RGS6: variants seen among roughly 807,000 people sequenced by gnomAD.
RGS6 encodes regulator of G protein signaling 6.
A neutral mutation model predicts 78.5 loss-of-function variants in RGS6; 30 were observed. The ratio of observed to expected loss-of-function variants is 0.38; its 90% CI spans 0.29 to 0.52. The LOEUF is 0.52. Among genes scored for constraint, RGS6 ranks in the 20% least tolerant of loss-of-function variants. The probability of loss-of-function intolerance (pLI) is 0.85; values close to 1 mark genes in which losing one functional copy is unlikely to be tolerated. For synonymous variants in RGS6, 206 were observed against 206.0 expected (o/e 1.00, Z 0.00); for missense variants, 495 against 609.7 (o/e 0.81, Z 1.98).
chr14:72,402,075 G>C (rs894828273), intron 3 of RGS6, among the ~76,000 whole-genome samples: 1 of 152,214 alleles, frequency 6.6e-6, no homozygotes, highest in Non-Finnish European at 1.5e-5. Context: ...CAGCCAATCC[G>C]TGGGATCGGG....
At chr14:72,313,957 C>CA (rs2069338992) in intron 2 of RGS6, among the ~76,000 whole-genome samples, 1 of 152,180 alleles carries the variant, frequency 6.6e-6, no homozygotes, top group Admixed American at 6.5e-5. Flanking sequence ...ATCAACCAAC[C>CA]AAACCTTTTC....
intron 2 of RGS6, among the ~76,000 whole-genome samples, chr14:72,117,324 G>T (rs2095919201): frequency 6.6e-6 from 1 of 152,072 alleles, no homozygotes; most frequent in African/African-American, 2.4e-5. Context: ...GAATGTCTTG[G>T]TGTCCTCCCT....
downstream of RGS6, among the ~76,000 whole-genome samples, chr14:72,570,443 G>A (rs2097718971): frequency 6.6e-6 from 1 of 152,170 alleles, no homozygotes; most frequent in Admixed American, 6.5e-5. Flanking sequence ...CTATAAAGGG[G>A]CACAAAGGGG....
Position 72,473,043 on chromosome 14 carries a change from G to C in RGS6, c.618+90G>C, listed in dbSNP as rs538514606. 12 of 847,084 alleles carry C rather than the reference G, an allele frequency of 1.4e-5. No individual in the cohort carries two copies. In the East Asian group the frequency reaches 1.7e-4, roughly 12 times the overall value. 52.5% of individuals were successfully genotyped at this position (847,084 alleles called of 1,614,324 possible). A position where few individuals can be genotyped will look rare whatever the true frequency, so the allele number is the denominator to read the frequency against. ...AGAAAAGACCGTCTTTAGCCACCAG[G>C]TGTCTCATTCTTAAGAAAATCGCTC... On this transcript the variant is annotated intron_variant, in intron 9 of 17. Transcript: ENST00000553525.
At chr14:71,973,479 G>A (rs536457696) in intron 2 of RGS6, among the ~76,000 whole-genome samples, 22 of 152,122 alleles carry the variant, frequency 1.4e-4, no homozygotes, top group South Asian at 8.3e-4. Context: ...GAGATCAGGA[G>A]TCTGAGATCA....
At chr14:72,038,209 A>G (rs543320725) in intron 2 of RGS6, among the ~76,000 whole-genome samples, 8 of 152,242 alleles carry the variant, frequency 5.3e-5, no homozygotes, top group South Asian at 2.1e-4. Flanking sequence ...GCCTCAATCA[A>G]TCCGCCTGCC....
At chr14:72,126,438 C>T (rs2096194483) in intron 2 of RGS6, among the ~76,000 whole-genome samples, 1 of 152,228 alleles carries the variant, frequency 6.6e-6, no homozygotes, top group Non-Finnish European at 1.5e-5. Context: ...AAATTGTAGA[C>T]TTAGATTTGC....
chr14:72,503,135 C>T (rs963339296), intron 13 of RGS6, among the ~76,000 whole-genome samples: 5 of 152,108 alleles, frequency 3.3e-5, no homozygotes, highest in Non-Finnish European at 7.4e-5. Flanking sequence ...CCTCACATGG[C>T]AGAAAGGCAA....
At chr14:72,258,948 T>G (rs1198643222) in intron 2 of RGS6, among the ~76,000 whole-genome samples, 1 of 152,112 alleles carries the variant, frequency 6.6e-6, no homozygotes, top group Non-Finnish European at 1.5e-5. Context: ...AAGGAGAAAA[T>G]GGAAACCTTA....
At chr14:72,273,626 T>C (rs1208554339) in intron 2 of RGS6, among the ~76,000 whole-genome samples, 1 of 152,222 alleles carries the variant, frequency 6.6e-6, no homozygotes, top group African/African-American at 2.4e-5. Flanking sequence ...ATTCTTGCCT[T>C]ATGAAGGCAT....
intron 3 of RGS6, among the ~76,000 whole-genome samples, chr14:72,378,055 G>A (rs912123219): frequency 6.6e-6 from 1 of 152,186 alleles, no homozygotes; most frequent in South Asian, 2.1e-4. Context: ...TCAGTAACAA[G>A]AGGGACATTT....
At position 72,564,903 on chromosome 14, in the gene RGS6, A is replaced by G. The variant is rs1296146663; in HGVS notation, c.*2436A>G. The G allele has an allele frequency of 1.3e-5, 2 of 152,244 alleles. No homozygotes were observed. The highest frequency in any genetic ancestry group is 2.4e-5 in the African/African-American group (1 of 41,396). The allele number at this position is 152,244 out of a possible 1,614,324, so 9.4% of individuals were successfully genotyped here. On this transcript the variant is annotated 3_prime_UTR_variant, in exon 18 of 18. Coordinates refer to ENST00000553525, the MANE Select transcript of RGS6 (RefSeq NM_001204424.2). ...TCAAACCCAGAGCAATAATACTCTC[A>G]CACCACCCCACAGCTAAGGCACTCA...
chr14:72,182,408 C>A (rs1168120215), intron 2 of RGS6, among the ~76,000 whole-genome samples: 92 of 98,046 alleles, frequency 9.4e-4, no homozygotes, highest in Non-Finnish European at 1.6e-3. Flanking sequence ...CCAAGAGAGA[C>A]TCCATCTCAA....
chr14:72,244,919 G>A (rs1363978681), intron 2 of RGS6, among the ~76,000 whole-genome samples: 1 of 152,088 alleles, frequency 6.6e-6, no homozygotes, highest in Non-Finnish European at 1.5e-5. Context: ...GCACCTCCTG[G>A]GTTCGAGTGA....
chr14:72,076,616 C>T (rs1359583876), intron 2 of RGS6, among the ~76,000 whole-genome samples: 1 of 152,088 alleles, frequency 6.6e-6, no homozygotes, highest in African/African-American at 2.4e-5. Flanking sequence ...GCAGCCTCTA[C>T]CTCCTGGGCT....
At chr14:72,435,761 C>A (rs1373447905) in intron 3 of RGS6, among the ~76,000 whole-genome samples, 1 of 148,840 alleles carries the variant, frequency 6.7e-6, no homozygotes, top group Non-Finnish European at 1.5e-5. Context: ...CCCACCCCGC[C>A]CCCGCCCCTG....
intron 2 of RGS6, among the ~76,000 whole-genome samples, chr14:71,971,047 C>A (rs1470192421): frequency 6.6e-6 from 1 of 152,148 alleles, no homozygotes; most frequent in Non-Finnish European, 1.5e-5. Flanking sequence ...TGATATGAAG[C>A]TAGGTTTCTG....
chr14:72,141,119 G>T (rs1212976847), intron 2 of RGS6, among the ~76,000 whole-genome samples: 3 of 152,202 alleles, frequency 2.0e-5, no homozygotes, highest in Non-Finnish European at 2.9e-5. Flanking sequence ...GGCATCCAGA[G>T]ACTTGGTTAT....
intron 2 of RGS6, among the ~76,000 whole-genome samples, chr14:72,108,110 G>A (rs192894359): frequency 5.1e-4 from 77 of 152,166 alleles, no homozygotes; most frequent in African/African-American, 1.7e-3. Flanking sequence ...TGTAGTAGTC[G>A]CCTTAGGAAG....
Sources: gnomAD v4.1 joint callset for allele counts (sites outside exome capture counted in the v4.1 genomes callset) on GRCh38, gnomAD v4.1.1 for gene constraint, MANE v1.5 for transcripts, NCBI Gene and HGNC (gene_info 2026-07-23, HGNC 2026-07-21) for gene names.